Variants in CUL9 observed in about 807,000 individuals in gnomAD.
CUL9 encodes the protein cullin-9.
A neutral mutation model predicts 272.6 loss-of-function variants in CUL9; 79 were observed. The ratio of observed to expected loss-of-function variants is 0.29; its 90% CI spans 0.24 to 0.35. The LOEUF is 0.35. CUL9 is among the 10% of genes least tolerant of loss of function. The pLI is 1.00. For missense variants in CUL9, 2,532 were observed against 3,255.6 expected (o/e 0.78, Z 5.41); for synonymous variants, 1,186 against 1,286.5 (o/e 0.92, Z 1.67).
In CUL9 at chr6:43,206,435, C is replaced by G; in HGVS notation, c.5137C>G (p.Leu1713Val). 1 of 1,614,216 alleles carries G rather than the reference C, an allele frequency of 6.2e-7. No individual in the cohort carries two copies. The highest frequency in any genetic ancestry group is 1.1e-5 in the South Asian group (1 of 91,086). Residue 1713 changes from leucine to valine, a missense_variant, in exon 26 of 41, where the codon CTG becomes GTG. This residue lies in a region of CUL9 where 2,218 missense variants were observed against 2,788.6 expected (regional missense o/e 0.80). Transcript: ENST00000252050. This position sits in a 1 kb window ranked among gnomAD's most constrained non-coding sequence, Gnocchi z 4.8. ...CTGGCCCGTCTCCCCACTCTGCTAC[C>G]TGTACCATCCCAGAAAGTGCCTTCC... ...RCWPVSPLCY[L>V]YHPRKCLPTE...
In CUL9 at chr6:43,218,956, T is replaced by C. The variant is rs951667474; in HGVS notation, c.6283-1503T>C. Among the ~76,000 whole-genome samples, 2 of 151,980 alleles carry C rather than the reference T, an allele frequency of 1.3e-5. No homozygotes were observed. Among genetic ancestry groups the C allele is most frequent in the Non-Finnish European group, 2.9e-5 (2 of 67,996 alleles). ...ACCCAGGGAACCAAGCCTGTAAAGA[T>C]ACAGAGACGGGGGGTCTCAGGAGTT... On this transcript the variant is annotated intron_variant, in intron 31 of 40. Transcript: ENST00000252050. This position sits in a 1 kb window ranked among gnomAD's most constrained non-coding sequence, Gnocchi z 4.4.
In CUL9 at chr6:43,221,478, T is replaced by A; in HGVS notation, c.6752+157T>A. 1.0e-6 allele frequency: 1 copy of A among 956,752 alleles called. No homozygotes were observed. Among genetic ancestry groups the A allele is most frequent in the Non-Finnish European group, 1.5e-6 (1 of 655,342 alleles). 59.3% of individuals were successfully genotyped at this position (956,752 alleles called of 1,614,324 possible). ...GCCTCCACGGTGACTTCCTGGATCT[T>A]AATGTTCCTTCTCCCACTCGTAAGT... On this transcript the variant is annotated intron_variant, in intron 34 of 40. Transcript: ENST00000252050. The surrounding 1 kb of genome is among the most constrained non-coding windows in gnomAD (Gnocchi z 4.2).
intron 10 of CUL9, 57 bp from the exon 11 acceptor site, chr6:43,196,588 T>C (rs527532780): frequency 2.7e-6 from 4 of 1,454,550 alleles, no homozygotes; most frequent in South Asian, 1.1e-5. Flanking sequence ...CTTGCTTTGC[T>C]GCTTCCATTG....
rs1776362422 is a variant in CUL9, at chr6:43,221,471, T to G, written c.6752+150T>G. The G allele has an allele frequency of 2.0e-6, 2 of 976,768 alleles. No homozygotes were observed. The highest frequency in any genetic ancestry group is 2.7e-5 in the Admixed American group (1 of 37,296). The allele number at this position is 976,768 out of a possible 1,614,324, so 60.5% of individuals were successfully genotyped here. ...CGTGGCAGCCTCCACGGTGACTTCC[T>G]GGATCTTAATGTTCCTTCTCCCACT... On this transcript the variant is annotated intron_variant, in intron 34 of 40. Coordinates refer to ENST00000252050, the MANE Select transcript of CUL9 (RefSeq NM_015089.4). The surrounding 1 kb of genome is among the most constrained non-coding windows in gnomAD (Gnocchi z 4.2).
rs1474724658 is a variant in CUL9, at chr6:43,204,740, C to T, written c.4340-8C>T. ...TGAAACCCCTTCCTTCTCCCTCTGT[C>T]TCTACAGTCAGCAAGAACAGCAAGG... On this transcript the variant is annotated splice_region_variant and splice_polypyrimidine_tract_variant and intron_variant, in intron 21 of 40. Coordinates refer to ENST00000252050, the MANE Select transcript of CUL9 (RefSeq NM_015089.4). 11 of 1,613,670 alleles carry T rather than the reference C, an allele frequency of 6.8e-6. No individual in the cohort carries two copies. The highest frequency in any genetic ancestry group is 9.3e-6 in the Non-Finnish European group (11 of 1,179,798).
intron 31 of CUL9, among the ~76,000 whole-genome samples, chr6:43,219,190 A>AAGAGAG (rs141684867): frequency 6.7e-6 from 1 of 150,016 alleles, no homozygotes; most frequent in Non-Finnish European, 1.5e-5. Context: ...CTTTGTTTAA[A>AAGAGAG]AGAGAGAGAG....
In CUL9 at chr6:43,205,366, A is replaced by G; in HGVS notation, c.4736A>G (p.Glu1579Gly). The change falls in exon 24 of 41, where the codon GAA becomes GGA. Residue 1579 changes from glutamate (E) to glycine (G), a missense_variant. Physicochemically the swap from Glu to Gly is moderately conservative, Grantham distance 98 (BLOSUM62 -2). Coordinates refer to ENST00000252050, the MANE Select transcript of CUL9 (RefSeq NM_015089.4). ...EMLGQLQRHL[E>G]PIMVLSGLEL... is the part of the protein sequence containing the mutation. ...CTGGGGCAGCTTCAGCGGCACCTGGAACCCATTATGGTCCTTTCTGGTCTG... is the reference window on the plus strand; with the variant it reads ...CTGGGGCAGCTTCAGCGGCACCTGGGACCCATTATGGTCCTTTCTGGTCTG... The G allele has an allele frequency of 2.5e-6, 4 of 1,614,198 alleles. No individual in the cohort carries two copies. Among genetic ancestry groups the G allele is most frequent in the Non-Finnish European group, 3.4e-6 (4 of 1,180,030 alleles).
chr6:43,190,982 A>G (rs1230437645), intron 8 of CUL9, among the ~76,000 whole-genome samples: 1 of 151,788 alleles, frequency 6.6e-6, no homozygotes, highest in Non-Finnish European at 1.5e-5. Flanking sequence ...TTTTGTGTAT[A>G]GTGTTTTTTT....
At chr6:43,217,035 C>G (rs923432471) in intron 31 of CUL9, among the ~76,000 whole-genome samples, 3 of 152,016 alleles carry the variant, frequency 2.0e-5, no homozygotes, top group Non-Finnish European at 4.4e-5. Flanking sequence ...CTGCTTTTAT[C>G]ATATACTCTC....
chr6:43,204,703 C>T, intron 21 of CUL9, 45 bp from the exon 22 acceptor site: 1 of 1,606,770 alleles, frequency 6.2e-7, no homozygotes, highest in African/African-American at 1.3e-5. Context: ...TGTACTCACC[C>T]AGAGGCTGAG....
chr6:43,187,455 G>C lies in CUL9; in HGVS notation c.1581+16G>C. The C allele has an allele frequency of 6.2e-7, 1 of 1,611,922 alleles. No homozygotes were observed. The highest frequency in any genetic ancestry group is 8.5e-7 in the Non-Finnish European group (1 of 1,178,458). ...CCTGGATGAGGTATTATAGGTCTGAGATACCTGGGGGTTTTCTAGTAGGGT... is the reference window on the plus strand; with the variant it reads ...CCTGGATGAGGTATTATAGGTCTGACATACCTGGGGGTTTTCTAGTAGGGT... On this transcript the variant is annotated intron_variant, in intron 6 of 40. Transcript: ENST00000252050.
chr6:43,185,434 A>G, intron 2 of CUL9, 22 bp from the exon 3 acceptor site: 1 of 1,609,282 alleles, frequency 6.2e-7, no homozygotes, highest in Non-Finnish European at 8.5e-7. Flanking sequence ...AGGAGAAGAT[A>G]TGGATTGGGT....
Position 43,186,186 on chromosome 6 carries a change from A to T in CUL9, c.982A>T (p.Met328Leu). ...GGCCCGGAACCTCAGCGAACAGGGC[A>T]TGTCACCTCCCCGGCCAACCCGGTC... ...GWARNLSEQG[M>L]SPPRPTRSIF... The change falls in exon 4 of 41, where the codon ATG (methionine) becomes TTG (leucine). Residue 328 changes from methionine to leucine, a missense_variant. Met to Leu is a conservative substitution (Grantham distance 15, BLOSUM62 2). This residue lies in a region of CUL9 where 2,218 missense variants were observed against 2,788.6 expected (regional missense o/e 0.80). Transcript: ENST00000252050. 1.2e-6 allele frequency: 2 copies of T among 1,614,220 alleles called. No homozygotes were observed. The highest frequency in any genetic ancestry group is 1.7e-6 in the Non-Finnish European group (2 of 1,180,046).
chr6:43,224,007 C>T lies in CUL9; in HGVS notation c.7285-88C>T, dbSNP rs1562067952. The T allele has an allele frequency of 3.1e-6, 4 of 1,302,388 alleles. No individual in the cohort carries two copies. In the African/African-American group the frequency reaches 4.4e-5, roughly 14 times the overall value. 80.7% of individuals were successfully genotyped at this position (1,302,388 alleles called of 1,614,324 possible). On this transcript the variant is annotated intron_variant, in intron 39 of 40. Coordinates refer to ENST00000252050, the MANE Select transcript of CUL9 (RefSeq NM_015089.4). This position sits in a 1 kb window ranked among gnomAD's most constrained non-coding sequence, Gnocchi z 4.2. ...GGGAGCAGTCCTAGCAGGAGCTTGG[C>T]CCTCCCAGAGCATCAGTGGAAGGAA...
intron 26 of CUL9, among the ~76,000 whole-genome samples, chr6:43,207,134 TG>T (rs751711600): frequency 6.6e-6 from 1 of 152,142 alleles, no homozygotes; most frequent in Non-Finnish European, 1.5e-5. Context: ...TTTTTTAGAT[TG>T]GGATATAACT....
chr6:43,205,187 C>A, intron 23 of CUL9, 72 bp downstream of exon 23: 1 of 1,586,838 alleles, frequency 6.3e-7, no homozygotes, highest in East Asian at 2.3e-5. Context: ...TCTGCCCTTT[C>A]ACCTCCTTTC....
chr6:43,210,783 G>A (rs72867559), intron 26 of CUL9, among the ~76,000 whole-genome samples: 11,225 of 151,652 alleles, frequency 0.074, 571 homozygotes, highest in Non-Finnish European at 0.11. Flanking sequence ...TTAATTAATT[G>A]ACTGTTTCTA....
intron 26 of CUL9, among the ~76,000 whole-genome samples, chr6:43,211,864 A>G (rs1172663574): frequency 2.6e-5 from 4 of 152,190 alleles, no homozygotes; most frequent in Non-Finnish European, 5.9e-5. Context: ...TGTATGAAGT[A>G]TACAGTCATT....
chr6:43,220,980 C>T lies in CUL9; in HGVS notation c.6588+69C>T. On this transcript the variant is annotated intron_variant, in intron 33 of 40. Transcript: ENST00000252050. This position sits in a 1 kb window ranked among gnomAD's most constrained non-coding sequence, Gnocchi z 4.9. ...CTCCTTCCCTGCTTAATATCCCCAC[C>T]CCGCCACACACACAGACTGTGACTT... 6.7e-7 allele frequency: 1 copy of T among 1,492,458 alleles called. No homozygotes were observed. 92.5% of individuals were successfully genotyped at this position (1,492,458 alleles called of 1,614,324 possible).
Sources: gnomAD v4.1 joint callset for allele counts (sites outside exome capture counted in the v4.1 genomes callset) on GRCh38, gnomAD v4.1.1 for gene constraint, gnomAD v4.1.1 regional missense constraint, Gnocchi (gnomAD v3.1) non-coding constraint, MANE v1.5 for transcripts, NCBI Gene and HGNC (gene_info 2026-07-23, HGNC 2026-07-21) for gene names.